PLPP1: variants seen among roughly 807,000 people sequenced by gnomAD.
The protein encoded by PLPP1 is lipid phosphate phosphohydrolase 1a.
Under a neutral mutation model 31.2 loss-of-function variants are expected in PLPP1, and 24 were observed. The observed-to-expected ratio is 0.77, with a 90% CI of 0.56 to 1.08. PLPP1 has a LOEUF of 1.08. PLPP1 is among the 50% of genes least tolerant of loss of function. The pLI is 0.00. For synonymous variants in PLPP1, 146 were observed against 126.3 expected, an observed-to-expected ratio of 1.16 and a Z score of -1.05; for missense variants, 319 against 342.7, an observed-to-expected ratio of 0.93 and a Z score of 0.55.
intron 3 of PLPP1, among the ~76,000 whole-genome samples, chr5:55,443,192 A>AAAAAAAAAAAAAAAATATATAT: frequency 1.2e-4 from 3 of 25,438 alleles, no homozygotes; most frequent in African/African-American, 2.2e-4. Flanking sequence ...AAAAAAAAAA[A>AAAAAAAAAAAAAAAATATATAT]ATATATATAT....
chr5:55,458,914 A>AAAAAAAACAAC (rs1387046910), intron 3 of PLPP1, among the ~76,000 whole-genome samples: 1 of 148,868 alleles, frequency 6.7e-6, no homozygotes, highest in Non-Finnish European at 1.5e-5. Context: ...AAAAAAAAAA[A>AAAAAAAACAAC]AACACATAGC....
At chr5:55,425,385 A>G in intron 5 of PLPP1, 51 bp from the exon 6 acceptor site, 1 of 1,494,948 alleles carries the variant, frequency 6.7e-7, no homozygotes, top group South Asian at 1.2e-5. Flanking sequence ...TAAAAACTAC[A>G]TACAAAGTTG....
At chr5:55,467,777 CTT>C in intron 3 of PLPP1, 90 bp downstream of exon 3, 2 of 1,359,470 alleles carry the variant, frequency 1.5e-6, no homozygotes, top group Non-Finnish European at 2.0e-6. Context: ...ACTAACTTCT[CTT>C]TTTAAGTGCG....
chr5:55,461,236 G>T (rs1490172928), intron 3 of PLPP1, among the ~76,000 whole-genome samples: 1 of 152,064 alleles, frequency 6.6e-6, no homozygotes, highest in African/African-American at 2.4e-5. Flanking sequence ...TTCCCACAAA[G>T]AAACTTCTAG....
chr5:55,466,647 G>A (rs1054874560), intron 3 of PLPP1, among the ~76,000 whole-genome samples: 9 of 151,780 alleles, frequency 5.9e-5, no homozygotes, highest in African/African-American at 2.2e-4. Flanking sequence ...AGGCTGCAGT[G>A]AGCCAAGATC....
At chr5:55,464,075 A>G (rs1365136156) in intron 3 of PLPP1, among the ~76,000 whole-genome samples, 1 of 152,062 alleles carries the variant, frequency 6.6e-6, no homozygotes, top group Non-Finnish European at 1.5e-5. Context: ...CCACACTGAG[A>G]TACCATAACA....
intron 1 of PLPP1, among the ~76,000 whole-genome samples, chr5:55,518,497 T>G (rs1002646028): frequency 5.3e-5 from 8 of 152,168 alleles, no homozygotes; most frequent in African/African-American, 1.9e-4. Context: ...TACTCTCATC[T>G]TTGCCTCCTC....
At chr5:55,490,432 G>A (rs987233740) in intron 1 of PLPP1, among the ~76,000 whole-genome samples, 1 of 152,046 alleles carries the variant, frequency 6.6e-6, no homozygotes, top group Non-Finnish European at 1.5e-5. Flanking sequence ...TTACAGGTGT[G>A]AGCCACCACA....
At chr5:55,471,198 T>C (rs943357328) in intron 2 of PLPP1, among the ~76,000 whole-genome samples, 1 of 149,856 alleles carries the variant, frequency 6.7e-6, no homozygotes, top group Non-Finnish European at 1.5e-5. Flanking sequence ...TTTCATCAGA[T>C]CAGATTTTTT....
rs537697381 is a variant in PLPP1, at chr5:55,526,800, C to T, written c.58+7772G>A. 4.0e-5 allele frequency among the ~76,000 whole-genome samples: 6 copies of T among 151,856 alleles called. No homozygotes were observed. In the East Asian group the frequency reaches 5.8e-4, roughly 15 times the overall value. ...ACAAAAAATTAGCTGGGCGTGGTGG[C>T]GCACATATGTAGTCCCAGCTACTTG... On this transcript the variant is annotated intron_variant, in intron 1 of 5. Transcript: ENST00000307259.
chr5:55,488,972 T>A (rs916641076), intron 1 of PLPP1, among the ~76,000 whole-genome samples: 1 of 151,720 alleles, frequency 6.6e-6, no homozygotes, highest in Non-Finnish European at 1.5e-5. Context: ...GCAGAGTAGA[T>A]TGCTTGAGGT....
chr5:55,477,460 C>T (rs1326660816), intron 1 of PLPP1, among the ~76,000 whole-genome samples: 2 of 142,646 alleles, frequency 1.4e-5, no homozygotes, highest in Non-Finnish European at 3.0e-5. Context: ...GTGACACAGT[C>T]TCGGCTCACT....
chr5:55,490,930 C>T (rs1176780920), intron 1 of PLPP1: 2 of 1,587,704 alleles, frequency 1.3e-6, no homozygotes, highest in East Asian at 2.2e-5. Flanking sequence ...CACAACAAAC[C>T]CATCACTACC....
At chr5:55,443,192 A>AAAATATATATATATATATATAT in intron 3 of PLPP1, among the ~76,000 whole-genome samples, 1 of 25,442 alleles carries the variant, frequency 3.9e-5, no homozygotes, top group Non-Finnish European at 8.6e-5. Flanking sequence ...AAAAAAAAAA[A>AAAATATATATATATATATATAT]ATATATATAT....
intron 3 of PLPP1, among the ~76,000 whole-genome samples, chr5:55,449,167 GTTAC>G (rs1221937875): frequency 2.0e-5 from 3 of 152,098 alleles, no homozygotes; most frequent in Admixed American, 6.5e-5. Flanking sequence ...TATTTTAAAT[GTTAC>G]TTATTTAATC....
In PLPP1 at chr5:55,467,832, T is replaced by C. The variant is rs1314761109; in HGVS notation, c.491+37A>G. 3.2e-6 allele frequency: 5 copies of C among 1,560,196 alleles called. No individual in the cohort carries two copies. The South Asian group carries it at 6.1e-5, about 19-fold the overall frequency. On this transcript the variant is annotated intron_variant, in intron 3 of 5. Coordinates refer to ENST00000307259, the MANE Select transcript of PLPP1 (RefSeq NM_003711.4). ...ACTGAAACCTTCTATTCCAAGAATA[T>C]ACAAGATTAAACAAGCATTAGCGAT...
intron 3 of PLPP1, among the ~76,000 whole-genome samples, chr5:55,450,319 T>C (rs1013593551): frequency 2.0e-5 from 3 of 152,158 alleles, no homozygotes; most frequent in Non-Finnish European, 4.4e-5. Flanking sequence ...AGCAGGAACA[T>C]GGACAATGAA....
At chr5:55,437,240 AAAAT>A (rs1171923907) in intron 4 of PLPP1, among the ~76,000 whole-genome samples, 1 of 152,260 alleles carries the variant, frequency 6.6e-6, no homozygotes, top group Non-Finnish European at 1.5e-5. Context: ...TCTCACCTTT[AAAAT>A]AAATAATCGT....
intron 1 of PLPP1, among the ~76,000 whole-genome samples, chr5:55,505,390 T>C (rs1225875897): frequency 6.6e-6 from 1 of 150,836 alleles, no homozygotes; most frequent in Non-Finnish European, 1.5e-5. Context: ...GGCCAGGAGT[T>C]CAAGACCAGC....
Sources: allele counts gnomAD v4.1 joint callset (sites outside exome capture counted in the v4.1 genomes callset), GRCh38; gene constraint gnomAD v4.1.1; transcripts MANE v1.5; gene names NCBI Gene and HGNC (gene_info 2026-07-23, HGNC 2026-07-21).